The following MAP3K14 variants were observed in gnomAD, a reference collection of about 807,000 sequenced individuals.
MAP3K14 encodes NF-kappa-beta-inducing kinase.
A neutral mutation model predicts 99.2 loss-of-function variants in MAP3K14; 16 were observed. The ratio of observed to expected loss-of-function variants is 0.16; its 90% CI spans 0.11 to 0.24. The LOEUF (loss-of-function observed/expected upper bound fraction) is 0.24, where lower values mean the gene tolerates loss of function less well. MAP3K14 is among the 10% of genes least tolerant of loss of function. The pLI is 1.00. For missense variants in MAP3K14, 784 were observed against 1,208.7 expected (o/e 0.65, Z 5.21); for synonymous variants, 462 against 492.4 (o/e 0.94, Z 0.82).
intron 1 of MAP3K14, among the ~76,000 whole-genome samples, chr17:45,304,051 C>T (rs1181092682): frequency 3.9e-5 from 5 of 129,118 alleles, no homozygotes; most frequent in East Asian, 2.3e-4. Context: ...CTCGCTCTGT[C>T]GCCCAGGCTG....
At chr17:45,291,283 A>G (rs1264672303) in intron 1 of MAP3K14, among the ~76,000 whole-genome samples, 3 of 137,676 alleles carry the variant, frequency 2.2e-5, no homozygotes, top group Non-Finnish European at 3.1e-5. Context: ...GTTCCCTAGT[A>G]GGAGGTAGAT....
At chr17:45,290,460 C>T in intron 2 of MAP3K14, 30 bp downstream of exon 2, 1 of 1,612,404 alleles carries the variant, frequency 6.2e-7, no homozygotes, top group Non-Finnish European at 8.5e-7. Flanking sequence ...ACCCACCTGC[C>T]CCGTGCCCAC....
chr17:45,283,567 G>A (rs2044240098), intron 6 of MAP3K14, among the ~76,000 whole-genome samples: 1 of 152,222 alleles, frequency 6.6e-6, no homozygotes, highest in Non-Finnish European at 1.5e-5. Context: ...AGGCACCCTG[G>A]ACGGTGGTGG....
intron 6 of MAP3K14, among the ~76,000 whole-genome samples, chr17:45,275,945 T>G (rs779306975): frequency 2.0e-5 from 3 of 152,052 alleles, no homozygotes; most frequent in Admixed American, 1.3e-4. Flanking sequence ...TATTTTTTAG[T>G]AGAGACGGGG....
intron 6 of MAP3K14, among the ~76,000 whole-genome samples, chr17:45,280,652 C>T (rs941310209): frequency 1.3e-5 from 2 of 151,762 alleles, no homozygotes; most frequent in African/African-American, 4.8e-5. Flanking sequence ...TTCTGTTGCC[C>T]AGGCTGGAGT....
intron 1 of MAP3K14, among the ~76,000 whole-genome samples, chr17:45,307,744 G>T (rs532698560): frequency 6.6e-6 from 1 of 152,336 alleles, no homozygotes; most frequent in South Asian, 2.1e-4. Context: ...CTGTATAGGA[G>T]AATTCAAGTT....
chr17:45,316,409 T>C lies in MAP3K14; in HGVS notation c.-21+551A>G, dbSNP rs577325313. On this transcript the variant is annotated intron_variant, in intron 1 of 15. Coordinates refer to ENST00000344686, the MANE Select transcript of MAP3K14 (RefSeq NM_003954.5). ...GAAGAATTACAGAGGAGGACTGGGG[T>C]CCGAGGGCGGAGGGAGGATGCTGCG... Among the ~76,000 whole-genome samples the C allele has an allele frequency of 6.6e-5, 10 of 152,220 alleles. No homozygotes were observed. The East Asian group carries it at 1.9e-3, about 29-fold the overall frequency.
At chr17:45,270,089 T>C (rs1184281346) in intron 11 of MAP3K14, among the ~76,000 whole-genome samples, 2 of 152,186 alleles carry the variant, frequency 1.3e-5, no homozygotes, top group African/African-American at 4.8e-5. Flanking sequence ...GCTGCAGAAC[T>C]GATTGCTGGC....
At chr17:45,291,174 T>C (rs2044307255) in intron 1 of MAP3K14, among the ~76,000 whole-genome samples, 1 of 152,296 alleles carries the variant, frequency 6.6e-6, no homozygotes, top group South Asian at 2.1e-4. Flanking sequence ...TCCAAAACCA[T>C]GGCCTCACTG....
intron 11 of MAP3K14, chr17:45,268,410 ATTTATT>A (rs555457906): frequency 9.2e-5 from 14 of 151,852 alleles, no homozygotes; most frequent in Non-Finnish European, 1.5e-4. Flanking sequence ...TTATTTATCA[ATTTATT>A]TTTATTTTTA....
rs775636720 is a variant in MAP3K14 at position 45,287,271 on chromosome 17, G to A, written c.420C>T (p.Ser140=). The stretch of plus-strand genomic sequence containing the variant: ...TCTTCTTCCGTTTCTTCCGGGCTTT[G>A]CTGCGACGCTTTCCCTTCCAACACA... The part of the protein sequence containing the change: ...ARVCWKGKRR[S]KARKKRKKKS... The change falls in exon 4 of 16, where the codon AGC becomes AGT. Residue 140 remains serine, a synonymous_variant. Coordinates refer to ENST00000344686, the MANE Select transcript of MAP3K14 (RefSeq NM_003954.5). 5.0e-6 allele frequency: 8 copies of A among 1,613,998 alleles called. No homozygotes were observed. In the South Asian group the frequency reaches 6.6e-5, roughly 13 times the overall value.
At chr17:45,289,884 T>C (rs910841981) in intron 2 of MAP3K14, among the ~76,000 whole-genome samples, 4 of 152,086 alleles carry the variant, frequency 2.6e-5, no homozygotes, top group East Asian at 1.9e-4. Flanking sequence ...AGGGAAGGCG[T>C]TGGAGAGAGA....
intron 3 of MAP3K14, among the ~76,000 whole-genome samples, 181 bp downstream of exon 3, chr17:45,289,055 A>C (rs1385146754): frequency 1.3e-5 from 2 of 152,200 alleles, no homozygotes; most frequent in African/African-American, 4.8e-5. Context: ...AAAGCCTTTG[A>C]AAAGCTTATT....
rs1047833 is a variant in MAP3K14 at position 45,264,774 on chromosome 17, G to C, written c.2706C>G (p.Val902=). 1,167,583 of 1,612,602 alleles carry C rather than the reference G, an allele frequency of 0.72. 423,481 individuals carry two copies. The highest frequency in any genetic ancestry group is 0.78 in the African/African-American group (58,364 of 74,968). Residue 902 remains valine, a synonymous_variant, in exon 16 of 16, where the codon GTC becomes GTG. Transcript: ENST00000344686. ...SQIPAAAFSL[V]TKDGQPVRYD... ...AGCGAACAGGCTGCCCGTCTTTGGT[G>C]ACCAAGCTGAAGGCTGCAGCTGGGA...
chr17:45,267,802 C>T lies in MAP3K14; in HGVS notation c.1973-43G>A. On this transcript the variant is annotated intron_variant, in intron 11 of 15. Transcript: ENST00000344686. The surrounding 1 kb of genome is among the most constrained non-coding windows in gnomAD (Gnocchi z 5.1). ...CAATGGTGAGGGGAAGCGTGCTGTG[C>T]ACAGACAGCGGTCCAGGCAGGAGCG... 1 of 1,543,578 alleles carries T rather than the reference C, an allele frequency of 6.5e-7. No homozygotes were observed. Among genetic ancestry groups the T allele is most frequent in the Non-Finnish European group, 8.8e-7 (1 of 1,136,902 alleles).
At chr17:45,293,438 T>C (rs988701277) in intron 1 of MAP3K14, among the ~76,000 whole-genome samples, 6 of 152,166 alleles carry the variant, frequency 3.9e-5, no homozygotes, top group African/African-American at 1.2e-4. Flanking sequence ...CCAGCGCCCC[T>C]CTGTGAGCAC....
Position 45,264,415 on chromosome 17 carries a change from G to C in MAP3K14, c.*221C>G, listed in dbSNP as rs761189873. On this transcript the variant is annotated 3_prime_UTR_variant, in exon 16 of 16. Transcript: ENST00000344686. The stretch of plus-strand genomic sequence containing the variant: ...CTGCCATCCTCCTCTGTCTCTTCAC[G>C]TGGCGGAGTGTTTTCTCAGCAGGGT... 13 of 544,752 alleles carry C rather than the reference G, an allele frequency of 2.4e-5. No individual in the cohort carries two copies. The highest frequency in any genetic ancestry group is 4.2e-5 in the Non-Finnish European group (13 of 308,060). The allele number at this position is 544,752 out of a possible 1,614,324, so 33.7% of individuals were successfully genotyped here. A position where few individuals can be genotyped will look rare whatever the true frequency, so the allele number is the denominator to read the frequency against.
At chr17:45,285,067 T>A in intron 5 of MAP3K14, 118 bp from the exon 6 acceptor site, 1 of 1,157,404 alleles carries the variant, frequency 8.6e-7, no homozygotes, top group Non-Finnish European at 1.2e-6. Context: ...AGCTGAGCCC[T>A]CACAACCAGG....
chr17:45,297,378 G>C (rs1273815205), intron 1 of MAP3K14, among the ~76,000 whole-genome samples: 1 of 152,166 alleles, frequency 6.6e-6, no homozygotes, highest in Admixed American at 6.5e-5. Context: ...ACTGATGAGG[G>C]GTCTTGTCAA....
Sources: allele counts gnomAD v4.1 joint callset (sites outside exome capture counted in the v4.1 genomes callset), GRCh38; gene constraint gnomAD v4.1.1; non-coding constraint Gnocchi (gnomAD v3.1); transcripts MANE v1.5; gene names NCBI Gene and HGNC (gene_info 2026-07-23, HGNC 2026-07-21).